Variants in FOLH1 observed in about 807,000 individuals in gnomAD.
FOLH1 encodes the protein glutamate carboxypeptidase 2.
FOLH1 carries 54 observed loss-of-function variants against 93.9 expected under a neutral mutation model. That is an observed-to-expected ratio of 0.57 (90% CI 0.46 to 0.72). The LOEUF (loss-of-function observed/expected upper bound fraction) is 0.72. Among genes scored for constraint, FOLH1 ranks in the 30% least tolerant of loss-of-function variants. FOLH1 has a pLI of 0.00. For synonymous variants in FOLH1, 249 were observed against 303.6 expected (o/e 0.82, Z 1.87); for missense variants, 571 against 892.5 (o/e 0.64, Z 4.59).
chr11:49,163,042 G>A (rs1857903043), intron 13 of FOLH1, among the ~76,000 whole-genome samples: 1 of 152,136 alleles, frequency 6.6e-6, no homozygotes, highest in Non-Finnish European at 1.5e-5. Flanking sequence ...GTCTTACCCA[G>A]ACAGGAGGAA....
rs750845012 is a variant in FOLH1 at position 49,154,341 on chromosome 11, A to C, written c.1775T>G (p.Val592Gly). 1 of 1,613,474 alleles carries C rather than the reference A, an allele frequency of 6.2e-7. No homozygotes were observed. Among genetic ancestry groups the C allele is most frequent in the South Asian group, 1.1e-5 (1 of 91,066 alleles). ...GMVFELANSI[V>G]LPFDCRDYAV... ...ATAATCTCGACAATCAAAAGGGAGCACTATGGAATTGGCTAGCTCAAACAC... is the reference window on the plus strand; with the variant it reads ...ATAATCTCGACAATCAAAAGGGAGCCCTATGGAATTGGCTAGCTCAAACAC... Residue 592 changes from valine (V) to glycine (G), a missense_variant, in exon 16 of 19, where the codon GTG becomes GGG. Coordinates refer to ENST00000256999, the MANE Select transcript of FOLH1 (RefSeq NM_004476.3).
chr11:49,208,249 A>G (rs1222936869), intron 1 of FOLH1, 43 bp downstream of exon 1: 2 of 1,372,052 alleles, frequency 1.5e-6, no homozygotes, highest in Admixed American at 4.8e-5. Context: ...CCGCGGCACC[A>G]CGGGGAAGAC....
intron 15 of FOLH1, among the ~76,000 whole-genome samples, chr11:49,155,054 A>C (rs1856865569): frequency 6.6e-6 from 1 of 152,064 alleles, no homozygotes; most frequent in African/African-American, 2.4e-5. Context: ...GAAAACCAAA[A>C]GTATAGGTAG....
At chr11:49,161,142 T>C (rs1857654328) in intron 13 of FOLH1, among the ~76,000 whole-genome samples, 1 of 152,204 alleles carries the variant, frequency 6.6e-6, no homozygotes, top group African/African-American at 2.4e-5. Context: ...ATCTATCAGG[T>C]CCATTTGATC....
At chr11:49,180,206 A>G (rs1228658021) in intron 7 of FOLH1, among the ~76,000 whole-genome samples, 1 of 152,222 alleles carries the variant, frequency 6.6e-6, no homozygotes, top group African/African-American at 2.4e-5. Context: ...TTATAGGTTA[A>G]TTGAGGAGAT....
chr11:49,158,028 C>T lies in FOLH1; in HGVS notation c.1456G>A (p.Glu486Lys), dbSNP rs748659279. 3 of 1,581,068 alleles carry T rather than the reference C, an allele frequency of 1.9e-6. No homozygotes were observed. The highest frequency in any genetic ancestry group is 1.7e-6 in the Non-Finnish European group (2 of 1,164,348). Residue 486 changes from glutamate to lysine, a missense_variant, in exon 14 of 19, where the codon GAA (glutamate) becomes AAA (lysine). Around this residue, in one of 2 missense-constraint regions of FOLH1, gnomAD observed 500 missense variants for 822.9 expected, o/e 0.61. Transcript: ENST00000256999. ...TAAAGAGATTTGCCTTCAAAGCCTT[C>T]ATCAGGGCTTTTCAGCTACACAAAT... The part of the protein sequence containing the change: ...NLTKELKSPD[E>K]GFEGKSLYES...
At chr11:49,206,550 T>G (rs1216843528) in intron 1 of FOLH1, among the ~76,000 whole-genome samples, 2 of 152,226 alleles carry the variant, frequency 1.3e-5, no homozygotes, top group African/African-American at 4.8e-5. Flanking sequence ...TTTCATAAAG[T>G]TTCTATCTTC....
chr11:49,169,279 A>G (rs1444358371), intron 11 of FOLH1, 21 bp from the exon 12 acceptor site: 1 of 1,608,378 alleles, frequency 6.2e-7, no homozygotes, highest in Non-Finnish European at 8.5e-7. Flanking sequence ...AAGGAAAACT[A>G]TAAATATAAA....
At chr11:49,162,365 A>AGTCT (rs1454674401) in intron 13 of FOLH1, among the ~76,000 whole-genome samples, 5 of 152,172 alleles carry the variant, frequency 3.3e-5, no homozygotes, top group Non-Finnish European at 7.3e-5. Context: ...TCAGAAAGAC[A>AGTCT]GTCTTCAACT....
At position 49,145,639 on chromosome 11, in the gene FOLH1, C is replaced by A. The variant is rs1037900690; in HGVS notation, c.*1117G>T. On this transcript the variant is annotated 3_prime_UTR_variant, in exon 19 of 19. Transcript: ENST00000256999. Reference sequence around the variant, plus strand: ...GACTTCTTAACTTTGAGCGAGGCCACAATGTGAGGGGACTCTTCATTGGCT... The same window carrying A: ...GACTTCTTAACTTTGAGCGAGGCCAAAATGTGAGGGGACTCTTCATTGGCT... 1.3e-5 allele frequency among the ~76,000 whole-genome samples: 2 copies of A among 152,150 alleles called. No individual in the cohort carries two copies. The highest frequency in any genetic ancestry group is 2.4e-5 in the African/African-American group (1 of 41,446).
intron 13 of FOLH1, among the ~76,000 whole-genome samples, chr11:49,162,505 T>G (rs1857821205): frequency 6.6e-6 from 1 of 152,220 alleles, no homozygotes; most frequent in Admixed American, 6.5e-5. Flanking sequence ...TTTAACATGA[T>G]TTTTAGCTTC....
At chr11:49,193,512 A>G (rs766466612) in intron 3 of FOLH1, among the ~76,000 whole-genome samples, 2 of 152,204 alleles carry the variant, frequency 1.3e-5, no homozygotes, top group Non-Finnish European at 2.9e-5. Flanking sequence ...ATAATTACCT[A>G]GGAACAAATT....
intron 14 of FOLH1, among the ~76,000 whole-genome samples, chr11:49,157,108 A>G (rs1369172008): frequency 6.6e-6 from 1 of 152,066 alleles, no homozygotes; most frequent in Non-Finnish European, 1.5e-5. Context: ...TGTTGTACAT[A>G]ATAGAGTGAA....
intron 4 of FOLH1, among the ~76,000 whole-genome samples, chr11:49,190,469 T>G (rs933317109): frequency 6.6e-6 from 1 of 152,222 alleles, no homozygotes; most frequent in Admixed American, 6.5e-5. Flanking sequence ...CCCGGAATTT[T>G]CTTTGTTTCC....
intron 3 of FOLH1, among the ~76,000 whole-genome samples, chr11:49,194,327 G>A (rs1042866278): frequency 4.6e-5 from 7 of 151,852 alleles, no homozygotes; most frequent in African/African-American, 1.7e-4. Flanking sequence ...TTTTAAAGCA[G>A]TGCCAGGTTT....
At chr11:49,150,382 T>C in intron 17 of FOLH1, among the ~76,000 whole-genome samples, 1 of 152,152 alleles carries the variant, frequency 6.6e-6, no homozygotes, top group African/African-American at 2.4e-5. Context: ...AAAATAATAG[T>C]GATTTTTATT....
intron 17 of FOLH1, among the ~76,000 whole-genome samples, chr11:49,151,427 C>G (rs918546924): frequency 7.1e-6 from 1 of 141,546 alleles, no homozygotes; most frequent in Non-Finnish European, 1.5e-5. Context: ...CACACACACA[C>G]AGACACACAC....
At chr11:49,153,567 C>G (rs1030763375) in intron 17 of FOLH1, among the ~76,000 whole-genome samples, 3 of 152,064 alleles carry the variant, frequency 2.0e-5, no homozygotes, top group African/African-American at 7.2e-5. Context: ...ACAATTGCCA[C>G]TCAGAATGTC....
rs750442389 is a variant in FOLH1, at chr11:49,186,737, A to G, written c.546T>C (p.Thr182=). 1.9e-6 allele frequency: 3 copies of G among 1,613,194 alleles called. No homozygotes were observed. The East Asian group carries it at 6.7e-5, about 36-fold the overall frequency. The stretch of plus-strand genomic sequence containing the variant: ...CCCGTTCCAATTTAAAGAAGTCTTC[A>G]GTTCGTGCATAGTTAACATACACTA... The part of the protein sequence containing the change: ...GDLVYVNYAR[T]EDFFKLERDM... Residue 182 remains threonine (T), a synonymous_variant, in exon 5 of 19, where the codon ACT becomes ACC. Transcript: ENST00000256999.
Sources: allele counts gnomAD v4.1 joint callset (sites outside exome capture counted in the v4.1 genomes callset), GRCh38; gene constraint gnomAD v4.1.1; regional missense constraint gnomAD v4.1.1; transcripts MANE v1.5; gene names NCBI Gene and HGNC (gene_info 2026-07-23, HGNC 2026-07-21).